COL5A2: variants seen among roughly 807,000 people sequenced by gnomAD.
COL5A2 encodes the protein collagen type V alpha 2 chain.
In COL5A2, 23 loss-of-function variants were observed where a neutral mutation model predicts 208.2. That is an observed-to-expected ratio of 0.11 (90% CI 0.08 to 0.16). COL5A2 has a LOEUF of 0.16. Among genes scored for constraint, COL5A2 ranks in the 10% least tolerant of loss-of-function variants. The pLI is 1.00. For synonymous variants in COL5A2, 625 were observed against 628.5 expected (o/e 0.99, Z 0.08); for missense variants, 1,590 against 1,956.4 (o/e 0.81, Z 3.53).
chr2:189,057,504 A>G, intron 33 of COL5A2, 77 bp from the exon 34 acceptor site: 1 of 1,064,348 alleles, frequency 9.4e-7, no homozygotes, highest in Non-Finnish European at 1.5e-6. Flanking sequence ...TAGTGGGTCA[A>G]AAGTAGTTGT....
chr2:189,434,534 T>A, the COL5A2 span, among the ~76,000 whole-genome samples: 1 of 151,680 alleles, frequency 6.6e-6, no homozygotes, highest in African/African-American at 2.4e-5. Context: ...TATACACCAA[T>A]AACAGACAGA....
At position 189,079,986 on chromosome 2, in the gene COL5A2, C is replaced by G; in HGVS notation, c.952G>C (p.Gly318Arg). The change falls in exon 14 of 54, where the codon GGT becomes CGT. Residue 318 changes from glycine (G) to arginine (R), a missense_variant. Physicochemically the swap from Gly to Arg is moderately radical, Grantham distance 125. Transcript: ENST00000374866. ...GATAATTATAAGATTACCTTGGAAC[C>G]AGGTGCTCCAACTTCACCTTTAGGG... Reference protein sequence around the residue: ...EGPKGEVGAPGSKGEAGPTGP... With the variant: ...EGPKGEVGAPRSKGEAGPTGP... 3 of 1,611,958 alleles carry G rather than the reference C, an allele frequency of 1.9e-6. No individual in the cohort carries two copies. Among genetic ancestry groups the G allele is most frequent in the Non-Finnish European group, 2.5e-6 (3 of 1,178,182 alleles).
chr2:189,435,698 G>C, the COL5A2 span, among the ~76,000 whole-genome samples: 3 of 152,194 alleles, frequency 2.0e-5, no homozygotes, highest in Non-Finnish European at 4.4e-5. Flanking sequence ...AGAGGATGTG[G>C]AGAAGTAGGA....
At chr2:189,245,437 C>G in the COL5A2 span, among the ~76,000 whole-genome samples, 2 of 151,502 alleles carry the variant, frequency 1.3e-5, no homozygotes, top group African/African-American at 2.4e-5. Context: ...TATGGTATGC[C>G]TACTATATCT....
intron 1 of COL5A2, among the ~76,000 whole-genome samples, chr2:189,172,667 T>C (rs1022084842): frequency 2.0e-5 from 3 of 152,196 alleles, no homozygotes; most frequent in African/African-American, 7.2e-5. Context: ...AGCTTTATTA[T>C]ACTTGTTATA....
intron 31 of COL5A2, 33 bp from the exon 32 acceptor site, chr2:189,058,926 A>G: frequency 6.3e-7 from 1 of 1,594,700 alleles, no homozygotes; most frequent in South Asian, 1.1e-5. Context: ...TAATGGAACA[A>G]GAGCTTTGAG....
rs1686189845 is a variant in COL5A2, at chr2:189,068,006, G to C, written c.1401+9C>G. On this transcript the variant is annotated intron_variant, in intron 21 of 53. Transcript: ENST00000374866. ...ACTAAAGGATGATAGTTCTTTCAAA[G>C]GTCATTACCGGTTGGCCTCGAATTC... is the stretch of plus-strand genomic sequence containing the variant. The C allele has an allele frequency of 6.2e-7, 1 of 1,607,386 alleles. No homozygotes were observed.
chr2:189,036,160 C>G (rs965806318), intron 52 of COL5A2, among the ~76,000 whole-genome samples: 2 of 152,018 alleles, frequency 1.3e-5, no homozygotes, highest in Non-Finnish European at 2.9e-5. Flanking sequence ...AATATTATCA[C>G]CCTTACTTTA....
the COL5A2 span, among the ~76,000 whole-genome samples, chr2:189,307,653 G>C: frequency 6.6e-6 from 1 of 152,112 alleles, no homozygotes; most frequent in South Asian, 2.1e-4. Context: ...AGAAAGTCAG[G>C]TATTCTTAGC....
the COL5A2 span, among the ~76,000 whole-genome samples, chr2:189,268,422 C>T: frequency 5.9e-5 from 9 of 152,052 alleles, no homozygotes; most frequent in South Asian, 2.1e-4. Flanking sequence ...TTATATTAGT[C>T]ATCAGAAAAA....
At chr2:189,338,650 A>C in the COL5A2 span, among the ~76,000 whole-genome samples, 1 of 150,058 alleles carries the variant, frequency 6.7e-6, no homozygotes, top group African/African-American at 2.4e-5. Context: ...ATATGAGAGA[A>C]GGTATAATAT....
At chr2:189,311,572 C>G in the COL5A2 span, 5 of 1,242,376 alleles carry the variant, frequency 4.0e-6, no homozygotes, top group Non-Finnish European at 3.4e-6. Context: ...AGTGGGCCTC[C>G]ACCTCCCTCA....
the COL5A2 span, among the ~76,000 whole-genome samples, chr2:189,299,380 T>G: frequency 3.9e-5 from 6 of 152,320 alleles, no homozygotes; most frequent in African/African-American, 1.4e-4. Context: ...AGACATATCA[T>G]CAGGTTTAGG....
At chr2:189,335,238 C>CA in the COL5A2 span, among the ~76,000 whole-genome samples, 7 of 151,992 alleles carry the variant, frequency 4.6e-5, no homozygotes, top group African/African-American at 1.4e-4. Flanking sequence ...TCACAATAAT[C>CA]AAAAAATCAT....
the COL5A2 span, among the ~76,000 whole-genome samples, chr2:189,324,660 C>G: frequency 4.6e-5 from 7 of 152,064 alleles, no homozygotes; most frequent in African/African-American, 1.2e-4. Context: ...TAAAAAGTCA[C>G]GAAACAACAG....
chr2:189,371,987 T>C, the COL5A2 span, among the ~76,000 whole-genome samples: 2 of 152,166 alleles, frequency 1.3e-5, no homozygotes, highest in African/African-American at 2.4e-5. Context: ...GCCCTTACCA[T>C]CACAGGTCAA....
At chr2:189,391,964 T>C in the COL5A2 span, among the ~76,000 whole-genome samples, 1 of 152,154 alleles carries the variant, frequency 6.6e-6, no homozygotes, top group South Asian at 2.1e-4. Flanking sequence ...GGAACTAGTC[T>C]ATATAAGTTA....
intron 12 of COL5A2, among the ~76,000 whole-genome samples, chr2:189,083,439 C>A (rs1283896326): frequency 6.6e-6 from 1 of 151,838 alleles, no homozygotes; most frequent in Non-Finnish European, 1.5e-5. Context: ...ATTTTAGGAC[C>A]CAGAACATTA....
chr2:189,063,298 T>C (rs894601277), intron 26 of COL5A2, 28 bp from the exon 27 acceptor site: 7 of 1,584,236 alleles, frequency 4.4e-6, no homozygotes, highest in Non-Finnish European at 5.2e-6. Flanking sequence ...GCCATGTAAG[T>C]TTCATGTAAG....
Sources: gnomAD v4.1 joint callset for allele counts (sites outside exome capture counted in the v4.1 genomes callset) on GRCh38, gnomAD v4.1.1 for gene constraint, MANE v1.5 for transcripts, NCBI Gene and HGNC (gene_info 2026-07-23, HGNC 2026-07-21) for gene names.